EXD3: variants seen among roughly 807,000 people sequenced by gnomAD.
The protein encoded by EXD3 is exonuclease mut-7 homolog.
EXD3 carries 92 observed loss-of-function variants against 98.0 expected under a neutral mutation model. The observed-to-expected ratio is 0.94, with a 90% CI of 0.79 to 1.12. The LOEUF (loss-of-function observed/expected upper bound fraction) is 1.12. Ranked by LOEUF, EXD3 falls within the 50% of genes most tolerant of loss-of-function variation. The probability of loss-of-function intolerance (pLI) is 0.00; values close to 1 mark genes in which losing one functional copy is unlikely to be tolerated. For synonymous variants in EXD3, 569 were observed against 526.0 expected (o/e 1.08, Z -1.12); for missense variants, 1,222 against 1,191.6 (o/e 1.03, Z -0.38).
chr9:137,373,299 G>A lies in EXD3; in HGVS notation c.294+127C>T, dbSNP rs943251305. 5 of 1,248,532 alleles carry A rather than the reference G, an allele frequency of 4.0e-6. No individual in the cohort carries two copies. In the East Asian group the frequency reaches 1.3e-4, roughly 31 times the overall value. 77.3% of individuals were successfully genotyped at this position (1,248,532 alleles called of 1,614,324 possible). A position where few individuals can be genotyped will look rare whatever the true frequency, so the allele number is the denominator to read the frequency against. Reference sequence around the variant, plus strand: ...GGCTGAGTCTTGGCCATAGCCCCCAGCATCCCCCTCCCCTTCCCTGGCTTG... The same window carrying A: ...GGCTGAGTCTTGGCCATAGCCCCCAACATCCCCCTCCCCTTCCCTGGCTTG... On this transcript the variant is annotated intron_variant, in intron 4 of 21. Transcript: ENST00000340951.
intron 3 of EXD3, 52 bp downstream of exon 3, chr9:137,383,261 G>C (rs1836409414): frequency 2.7e-6 from 4 of 1,458,538 alleles, no homozygotes; most frequent in Non-Finnish European, 2.8e-6. Flanking sequence ...CTGCCCAACA[G>C]TCAGTTCTGC....
In EXD3 at chr9:137,336,820, A is replaced by G. The variant is rs182378959; in HGVS notation, c.1998+11251T>C. 2.6e-3 allele frequency among the ~76,000 whole-genome samples: 389 copies of G among 152,100 alleles called. 4 individuals are homozygous for G. The highest frequency in any genetic ancestry group is 6.8e-3 in the Middle Eastern group (2 of 294). On this transcript the variant is annotated intron_variant, in intron 17 of 21. Coordinates refer to ENST00000340951, the MANE Select transcript of EXD3 (RefSeq NM_017820.5). ...ATAGAATGAAGGTAAAAAAGCTAAA[A>G]GCATGAAAAAAAAGAGGAAAAAGAA...
intron 8 of EXD3, among the ~76,000 whole-genome samples, chr9:137,355,588 GAAA>G (rs1564508664): frequency 9.2e-4 from 11 of 11,998 alleles, no homozygotes; most frequent in African/African-American, 1.6e-3. Context: ...GGAGGAAGGA[GAAA>G]GGGCGGAAGG....
chr9:137,411,072 T>C (rs1173974111), intron 1 of EXD3, among the ~76,000 whole-genome samples: 1 of 152,182 alleles, frequency 6.6e-6, no homozygotes, highest in Non-Finnish European at 1.5e-5. Context: ...CAGGTGGGCA[T>C]AGGCTGGCAC....
At chr9:137,346,050 T>C (rs1400976416) in intron 17 of EXD3, 2 of 151,500 alleles carry the variant, frequency 1.3e-5, no homozygotes. Context: ...CTGGCTAACA[T>C]GGTGAAATTT....
At position 137,407,968 on chromosome 9, in the gene EXD3, C is replaced by T. The variant is rs993912333; in HGVS notation, c.-47-12564G>A. 6.6e-5 allele frequency among the ~76,000 whole-genome samples: 10 copies of T among 152,036 alleles called. No individual in the cohort carries two copies. The highest frequency in any genetic ancestry group is 2.2e-4 in the African/African-American group (9 of 41,438). On this transcript the variant is annotated intron_variant, in intron 1 of 21. Transcript: ENST00000340951. The surrounding 1 kb of genome is among the most constrained non-coding windows in gnomAD (Gnocchi z 4.4). ...AGCCTCCAGGGGTTTTCCAGCCTCA[C>T]GCCTCCGGGGGTCTCCCCAGCCTCA... is the stretch of plus-strand genomic sequence containing the variant.
chr9:137,421,481 A>T (rs1315657997), intron 1 of EXD3, among the ~76,000 whole-genome samples: 1 of 152,358 alleles, frequency 6.6e-6, no homozygotes, highest in South Asian at 2.1e-4. Context: ...AGCCCTGATC[A>T]TTGTATTTTT....
rs746426478 is a variant in EXD3, at chr9:137,366,654, G to T, written c.517-22C>A. ...TCATCTGCAGGGGGACACACGGTCA[G>T]GCCACAGCCTCCGCCACCTCAGCCA... On this transcript the variant is annotated intron_variant, in intron 6 of 21. Transcript: ENST00000340951. The T allele has an allele frequency of 6.0e-5, 93 of 1,547,022 alleles. 2 individuals carry two copies. Among genetic ancestry groups the T allele is most frequent in the Middle Eastern group, 4.0e-4 (2 of 5,020 alleles).
chr9:137,374,347 G>A (rs900372934), intron 3 of EXD3, among the ~76,000 whole-genome samples: 5 of 152,248 alleles, frequency 3.3e-5, no homozygotes, highest in African/African-American at 1.2e-4. Flanking sequence ...GCAAGAGGGT[G>A]AGTTCCCAGC....
chr9:137,307,354 T>A (rs1457166228), intron 21 of EXD3, 91 bp from the exon 22 acceptor site: 1 of 1,432,084 alleles, frequency 7.0e-7, no homozygotes, highest in African/African-American at 1.4e-5. Context: ...CGGCCCACGC[T>A]GAGCCCACGC....
intron 17 of EXD3, among the ~76,000 whole-genome samples, chr9:137,335,344 A>G (rs929166025): frequency 6.6e-6 from 1 of 152,174 alleles, no homozygotes; most frequent in South Asian, 2.1e-4. Context: ...AATTAAAACC[A>G]CAATGAGATA....
At chr9:137,377,946 A>C (rs926080142) in intron 3 of EXD3, among the ~76,000 whole-genome samples, 1 of 151,288 alleles carries the variant, frequency 6.6e-6, no homozygotes, top group Non-Finnish European at 1.5e-5. Context: ...GGTGCAGGCC[A>C]CCACGCCTGG....
rs1488702357 is a variant in EXD3 at position 137,393,238 on chromosome 9, G to C, written c.55+2065C>G. On this transcript the variant is annotated intron_variant, in intron 2 of 21. Coordinates refer to ENST00000340951, the MANE Select transcript of EXD3 (RefSeq NM_017820.5). This position sits in a 1 kb window ranked among gnomAD's most constrained non-coding sequence, Gnocchi z 4.6. ...AGGCTGTAGAAGCCTGTGGGTGCCT[G>C]TGCAGGGAGAGTCAGCTCTGTGCTG... 1.4e-6 allele frequency: 1 copy of C among 702,612 alleles called. No individual in the cohort carries two copies. Among genetic ancestry groups the C allele is most frequent in the Admixed American group, 2.0e-5 (1 of 50,006 alleles). 43.5% of individuals were successfully genotyped at this position (702,612 alleles called of 1,614,324 possible). A position where few individuals can be genotyped will look rare whatever the true frequency, so the allele number is the denominator to read the frequency against.
intron 1 of EXD3, among the ~76,000 whole-genome samples, chr9:137,419,768 C>T (rs953372033): frequency 2.6e-5 from 4 of 152,232 alleles, no homozygotes; most frequent in East Asian, 1.9e-4. Flanking sequence ...TACAGACTTC[C>T]GATAACCTGG....
chr9:137,416,038 G>A (rs527370817), intron 1 of EXD3, among the ~76,000 whole-genome samples: 1 of 152,248 alleles, frequency 6.6e-6, no homozygotes. Flanking sequence ...CATGAACAAA[G>A]AAAAAACCAT....
intron 1 of EXD3, among the ~76,000 whole-genome samples, chr9:137,420,169 C>CA (rs201720036): frequency 0.011 from 1,614 of 150,932 alleles, 58 homozygotes; most frequent in Non-Finnish European, 5.2e-3. Context: ...AAAAAAAAAA[C>CA]AAAAAAAACC....
At chr9:137,399,909 G>C (rs1161903741) in intron 1 of EXD3, among the ~76,000 whole-genome samples, 1 of 151,790 alleles carries the variant, frequency 6.6e-6, no homozygotes. Flanking sequence ...TGGTGGTGGT[G>C]CCTCCCAGGT....
At chr9:137,362,192 G>A (rs1835024970) in intron 7 of EXD3, among the ~76,000 whole-genome samples, 1 of 152,112 alleles carries the variant, frequency 6.6e-6, no homozygotes, top group South Asian at 2.1e-4. Flanking sequence ...GATACCAAAA[G>A]TAAAAATATA....
chr9:137,395,213 T>A lies in EXD3; in HGVS notation c.55+90A>T. 1.6e-6 allele frequency: 2 copies of A among 1,229,104 alleles called. No homozygotes were observed. The highest frequency in any genetic ancestry group is 3.0e-5 in the African/African-American group (2 of 67,218). 76.1% of individuals were successfully genotyped at this position (1,229,104 alleles called of 1,614,324 possible). A position where few individuals can be genotyped will look rare whatever the true frequency, so the allele number is the denominator to read the frequency against. ...CAGCAGCCTGGCCCTCGTCACTGAG[T>A]ACACAGTGGGCGCCACCACCCCCCA... On this transcript the variant is annotated intron_variant, in intron 2 of 21. Transcript: ENST00000340951. The surrounding 1 kb of genome is among the most constrained non-coding windows in gnomAD (Gnocchi z 6.5).
Sources: allele counts gnomAD v4.1 joint callset (sites outside exome capture counted in the v4.1 genomes callset), GRCh38; gene constraint gnomAD v4.1.1; non-coding constraint Gnocchi (gnomAD v3.1); transcripts MANE v1.5; gene names NCBI Gene and HGNC (gene_info 2026-07-23, HGNC 2026-07-21).